The following KCNMA1 variants were observed in gnomAD, a reference collection of about 807,000 sequenced individuals.
KCNMA1 encodes the protein Calcium-activated potassium channel subunit alpha-1.
KCNMA1 carries 29 observed loss-of-function variants against 140.0 expected under a neutral mutation model. The ratio of observed to expected loss-of-function variants is 0.21; its 90% CI spans 0.15 to 0.28. KCNMA1 has a LOEUF of 0.28. Ranked by LOEUF, KCNMA1 falls within the 10% of genes least tolerant of loss-of-function variation. The pLI is 1.00. For synonymous variants in KCNMA1, 612 were observed against 611.9 expected, an observed-to-expected ratio of 1.00 and a Z score of 0.00; for missense variants, 880 against 1,602.2, an observed-to-expected ratio of 0.55 and a Z score of 7.70.
chr10:77,146,487 G>C (rs1042899773), intron 5 of KCNMA1, among the ~76,000 whole-genome samples: 6 of 152,090 alleles, frequency 3.9e-5, no homozygotes, highest in African/African-American at 1.4e-4. Context: ...GATAGGTTGA[G>C]GCCAGGAGTT....
intron 2 of KCNMA1, among the ~76,000 whole-genome samples, chr10:77,378,919 A>G (rs1163508960): frequency 6.6e-6 from 1 of 152,184 alleles, no homozygotes; most frequent in African/African-American, 2.4e-5. Context: ...TCTTCACCCC[A>G]TCCTCTGATT....
intron 20 of KCNMA1, among the ~76,000 whole-genome samples, chr10:76,969,259 G>T (rs2075150651): frequency 1.5e-5 from 1 of 65,500 alleles, no homozygotes; most frequent in Non-Finnish European, 3.1e-5. Context: ...AGAGAAGGAG[G>T]AAGGGAGGGA....
intron 5 of KCNMA1, among the ~76,000 whole-genome samples, chr10:77,168,973 A>G (rs918634213): frequency 6.6e-6 from 1 of 152,216 alleles, no homozygotes; most frequent in Non-Finnish European, 1.5e-5. Flanking sequence ...TTCCAAGAAA[A>G]CTTTATTTAC....
At position 77,251,046 on chromosome 10, in the gene KCNMA1, A is replaced by G. The variant is rs1025168670; in HGVS notation, c.602+149T>C. On this transcript the variant is annotated intron_variant, in intron 3 of 27. Coordinates refer to ENST00000286628, the MANE Select transcript of KCNMA1 (RefSeq NM_001161352.2). ...TGAGAACTTTCTTTCCCATTTAGAAAATCAGTACAGTACAGCACTAGCTTC... is the reference window on the plus strand; with the variant it reads ...TGAGAACTTTCTTTCCCATTTAGAAGATCAGTACAGTACAGCACTAGCTTC... 2.0e-5 allele frequency: 14 copies of G among 701,738 alleles called. No individual in the cohort carries two copies. The Admixed American group carries it at 3.0e-4, about 15-fold the overall frequency. 43.5% of individuals were successfully genotyped at this position (701,738 alleles called of 1,614,324 possible). A position where few individuals can be genotyped will look rare whatever the true frequency, so the allele number is the denominator to read the frequency against.
intron 17 of KCNMA1, among the ~76,000 whole-genome samples, chr10:77,014,476 T>C (rs2091579126): frequency 6.6e-6 from 1 of 151,268 alleles, no homozygotes; most frequent in African/African-American, 2.4e-5. Context: ...TTTTCTGGTA[T>C]ATAATTCATT....
At chr10:77,249,842 G>C (rs775084824) in intron 3 of KCNMA1, 1 of 152,148 alleles carries the variant, frequency 6.6e-6, no homozygotes, top group African/African-American at 2.4e-5. Context: ...CTCTTTCTTG[G>C]CTCGGGAGAG....
intron 19 of KCNMA1, among the ~76,000 whole-genome samples, chr10:76,988,497 C>T (rs1247823190): frequency 6.6e-6 from 1 of 152,082 alleles, no homozygotes. Flanking sequence ...CACTGCACTC[C>T]AGCCTGGGTG....
In KCNMA1 at chr10:76,885,821, T is replaced by C. The variant is rs371814680; in HGVS notation, c.*1445A>G. On this transcript the variant is annotated 3_prime_UTR_variant, in exon 28 of 28. Transcript: ENST00000286628. The stretch of plus-strand genomic sequence containing the variant: ...GGGTATTTTTCTACCTCTCCTCTCA[T>C]GCTTACTAAGTGTTAAAAAAGAAAG... The C allele has an allele frequency of 1.0e-6, 1 of 984,980 alleles. No individual in the cohort carries two copies. Among genetic ancestry groups the C allele is most frequent in the Non-Finnish European group, 1.2e-6 (1 of 829,668 alleles). 61.0% of individuals were successfully genotyped at this position (984,980 alleles called of 1,614,324 possible). A position where few individuals can be genotyped will look rare whatever the true frequency, so the allele number is the denominator to read the frequency against.
rs754846017 is a variant in KCNMA1 at position 77,387,551 on chromosome 10, TTTTCTTTTTC to T, written c.540+16301_540+16310del. On this transcript the variant is annotated intron_variant, in intron 2 of 27. Transcript: ENST00000286628. Reference sequence around the variant, plus strand: ...TGTTCTTTTCTTTTCTTTTCTTTTCTTTTCTTTTTCTTTTCTTTTCTTTTTTTTCTTTTCT... The same window carrying T: ...TGTTCTTTTCTTTTCTTTTCTTTTCTTTTTCTTTTCTTTTTTTTCTTTTCT... 1.4e-3 allele frequency among the ~76,000 whole-genome samples: 208 copies of T among 146,014 alleles called. No individual in the cohort carries two copies. The Middle Eastern group carries it at 0.017, about 12-fold the overall frequency.
intron 1 of KCNMA1, among the ~76,000 whole-genome samples, chr10:77,506,707 C>CGA (rs140333440): frequency 0.34 from 14,012 of 41,702 alleles, 2,136 homozygotes; most frequent in East Asian, 0.6. Flanking sequence ...AGAGATGTTC[C>CGA]GAGAGAGAGA....
At chr10:77,613,211 T>C (rs572462935) in intron 1 of KCNMA1, among the ~76,000 whole-genome samples, 3 of 152,298 alleles carry the variant, frequency 2.0e-5, no homozygotes, top group African/African-American at 7.2e-5. Flanking sequence ...GAATGTGATA[T>C]ATTGTAAGCC....
chr10:77,569,666 A>G (rs1361076706), intron 1 of KCNMA1, among the ~76,000 whole-genome samples: 1 of 152,234 alleles, frequency 6.6e-6, no homozygotes, highest in East Asian at 1.9e-4. Flanking sequence ...CATTCAGGAC[A>G]TAGGCATGGG....
At chr10:77,462,472 T>C (rs2154524939) in intron 1 of KCNMA1, among the ~76,000 whole-genome samples, 1 of 152,276 alleles carries the variant, frequency 6.6e-6, no homozygotes, top group South Asian at 2.1e-4. Flanking sequence ...CATGTAAACA[T>C]ACATACACGT....
chr10:77,093,446 C>T (rs184310490), intron 9 of KCNMA1, among the ~76,000 whole-genome samples: 1 of 152,238 alleles, frequency 6.6e-6, no homozygotes, highest in African/African-American at 2.4e-5. Flanking sequence ...GTTTTCCATA[C>T]AGTGAAAGTT....
chr10:76,971,530 G>T (rs1207027321), intron 19 of KCNMA1, among the ~76,000 whole-genome samples: 2 of 152,100 alleles, frequency 1.3e-5, no homozygotes, highest in Non-Finnish European at 2.9e-5. Context: ...TCTAAACCCT[G>T]GCTGATGCAG....
chr10:77,579,279 G>A (rs1263100761), intron 1 of KCNMA1, among the ~76,000 whole-genome samples: 1 of 152,222 alleles, frequency 6.6e-6, no homozygotes, highest in Admixed American at 6.5e-5. Flanking sequence ...AGGGATCAGG[G>A]AGGCAGGGGT....
intron 23 of KCNMA1, among the ~76,000 whole-genome samples, chr10:76,940,951 ACT>A (rs1206211131): frequency 1.4e-5 from 2 of 147,550 alleles, no homozygotes; most frequent in African/African-American, 5.1e-5. Flanking sequence ...ACAGAGAGAG[ACT>A]CTACCTCGAA....
At chr10:77,110,710 G>A (rs2097299887) in intron 7 of KCNMA1, among the ~76,000 whole-genome samples, 1 of 152,246 alleles carries the variant, frequency 6.6e-6, no homozygotes, top group African/African-American at 2.4e-5. Flanking sequence ...AAGAGCCAGA[G>A]ATTCCGTCCC....
chr10:77,395,920 T>C (rs930173680), intron 2 of KCNMA1, among the ~76,000 whole-genome samples: 2 of 152,192 alleles, frequency 1.3e-5, no homozygotes, highest in Admixed American at 1.3e-4. Context: ...AGTGCAAATC[T>C]AGTGTATCTT....
Sources: gnomAD v4.1 joint callset for allele counts (sites outside exome capture counted in the v4.1 genomes callset) on GRCh38, gnomAD v4.1.1 for gene constraint, MANE v1.5 for transcripts, NCBI Gene and HGNC (gene_info 2026-07-23, HGNC 2026-07-21) for gene names.